The following DNAI4 variants were observed in gnomAD, a reference collection of about 807,000 sequenced individuals.
DNAI4 encodes the protein WD repeat domain 78.
DNAI4 carries 85 observed loss-of-function variants against 105.8 expected under a neutral mutation model. The observed-to-expected ratio is 0.80, with a 90% CI of 0.67 to 0.96. The LOEUF (loss-of-function observed/expected upper bound fraction) is 0.96. Ranked by LOEUF, DNAI4 falls within the 40% of genes least tolerant of loss-of-function variation. The probability of loss-of-function intolerance (pLI) is 0.00; values close to 1 mark genes in which losing one functional copy is unlikely to be tolerated. For missense variants in DNAI4, 1,014 were observed against 1,005.6 expected (o/e 1.01, Z -0.11); for synonymous variants, 352 against 331.5 (o/e 1.06, Z -0.67).
chr1:66,834,501 CA>C (rs1195618806), intron 11 of DNAI4, among the ~76,000 whole-genome samples: 1 of 152,032 alleles, frequency 6.6e-6, no homozygotes, highest in Non-Finnish European at 1.5e-5. Flanking sequence ...TTATTTTAGA[CA>C]CATGGAATAT....
At chr1:66,885,785 T>C (rs1569764187) in intron 4 of DNAI4, among the ~76,000 whole-genome samples, 1 of 152,318 alleles carries the variant, frequency 6.6e-6, no homozygotes, top group East Asian at 1.9e-4. Flanking sequence ...CGTCAAGATG[T>C]TCTCTTTGTC....
At chr1:66,841,408 G>C (rs944726893) in intron 8 of DNAI4, among the ~76,000 whole-genome samples, 1 of 152,230 alleles carries the variant, frequency 6.6e-6, no homozygotes, top group Non-Finnish European at 1.5e-5. Context: ...AGGTACAAGA[G>C]AGATGTCTTA....
At chr1:66,875,071 G>C (rs1646933097) in intron 4 of DNAI4, 134 bp from the exon 5 acceptor site, 1 of 839,092 alleles carries the variant, frequency 1.2e-6, no homozygotes, top group Non-Finnish European at 1.8e-6. Flanking sequence ...AGGCCAGGTT[G>C]TGAGATGTAG....
chr1:66,852,597 T>C (rs2100555087), intron 7 of DNAI4, among the ~76,000 whole-genome samples: 1 of 152,124 alleles, frequency 6.6e-6, no homozygotes, highest in Non-Finnish European at 1.5e-5. Flanking sequence ...TCCATACGTT[T>C]AGGCCAATGA....
rs185074137 is a variant in DNAI4 at position 66,878,967 on chromosome 1, C to T, written c.644-4030G>A. Among the ~76,000 whole-genome samples the T allele has an allele frequency of 7.9e-5, 12 of 152,250 alleles. No homozygotes were observed. In the East Asian group the frequency reaches 2.3e-3, roughly 29 times the overall value. On this transcript the variant is annotated intron_variant, in intron 4 of 16. Transcript: ENST00000371026. ...AGGGTTATATTATACATTTGTAAGG[C>T]AGTTTGATTCTTTTGTTACAGTCTG...
intron 10 of DNAI4, among the ~76,000 whole-genome samples, chr1:66,836,213 AGAGAGAG>A (rs1645997927): frequency 3.2e-5 from 3 of 93,822 alleles, no homozygotes; most frequent in African/African-American, 1.1e-4. Context: ...AGAAAGAGAG[AGAGAGAG>A]AGAGAGAGAG....
chr1:66,882,400 A>G (rs1647092317), intron 4 of DNAI4, among the ~76,000 whole-genome samples: 1 of 152,208 alleles, frequency 6.6e-6, no homozygotes, highest in Non-Finnish European at 1.5e-5. Flanking sequence ...AAGATCACAC[A>G]GATTTTTTCC....
At chr1:66,836,125 C>CAGAA (rs146147431) in intron 10 of DNAI4, among the ~76,000 whole-genome samples, 1 of 91,878 alleles carries the variant, frequency 1.1e-5, no homozygotes, top group African/African-American at 4.5e-5. Flanking sequence ...ACCCTCATCT[C>CAGAA]AGAAAGAAAG....
In DNAI4 at chr1:66,833,617, C is replaced by A. The variant is rs150353155; in HGVS notation, c.1981G>T (p.Ala661Ser). 4 of 1,613,218 alleles carry A rather than the reference C, an allele frequency of 2.5e-6. No homozygotes were observed. The South Asian group carries it at 3.3e-5, about 13-fold the overall frequency. ...KKDEALISRQ[A>S]PGMCFAFHPK... ...TGAAAAGCAAAACACATTCCAGGAGCCTGTCGAGATATCAAAGCTTCATCT... is the reference window on the plus strand; with the variant it reads ...TGAAAAGCAAAACACATTCCAGGAGACTGTCGAGATATCAAAGCTTCATCT... Residue 661 changes from alanine to serine, a missense_variant, in exon 13 of 17, where the codon GCT becomes TCT. Transcript: ENST00000371026.
chr1:66,882,528 T>C (rs1647095801), intron 4 of DNAI4, among the ~76,000 whole-genome samples: 1 of 152,166 alleles, frequency 6.6e-6, no homozygotes. Flanking sequence ...CTCTCTCTTT[T>C]TTTTTGCATA....
At chr1:66,836,274 A>AAGAAAGAGAGAGAG (rs1646014768) in intron 10 of DNAI4, among the ~76,000 whole-genome samples, 3 of 119,848 alleles carry the variant, frequency 2.5e-5, no homozygotes, top group African/African-American at 9.7e-5. Flanking sequence ...GAAAGAAAGA[A>AAGAAAGAGAGAGAG]AGAAAGAAAG....
At chr1:66,904,961 C>A in intron 2 of DNAI4, 1 of 400,262 alleles carries the variant, frequency 2.5e-6, no homozygotes, top group Non-Finnish European at 4.4e-6. Context: ...GCAAATAGTT[C>A]TTAAGGTCAT....
chr1:66,874,188 A>G (rs1441512978), intron 5 of DNAI4, among the ~76,000 whole-genome samples: 1 of 152,036 alleles, frequency 6.6e-6, no homozygotes, highest in East Asian at 1.9e-4. Flanking sequence ...TAAAGGGGTC[A>G]ATTCTTCATG....
At chr1:66,901,136 A>G (rs1018924399) in intron 2 of DNAI4, among the ~76,000 whole-genome samples, 1 of 152,108 alleles carries the variant, frequency 6.6e-6, no homozygotes, top group Non-Finnish European at 1.5e-5. Context: ...GATCTTTTTA[A>G]AGAACCAGCT....
chr1:66,892,999 G>GAGGAAAGAA (rs1647856722), intron 3 of DNAI4, among the ~76,000 whole-genome samples: 6 of 70,242 alleles, frequency 8.5e-5, no homozygotes, highest in African/African-American at 3.1e-4. Context: ...GAAAGAAAGA[G>GAGGAAAGAA]AGAAAGAGAG....
At chr1:66,873,839 T>C (rs1056573113) in intron 5 of DNAI4, among the ~76,000 whole-genome samples, 1 of 151,244 alleles carries the variant, frequency 6.6e-6, no homozygotes, top group African/African-American at 2.4e-5. Flanking sequence ...TCCCTTTCTT[T>C]TTTCCCTCTT....
chr1:66,825,305 G>A (rs1392992730), intron 15 of DNAI4, among the ~76,000 whole-genome samples: 6 of 148,416 alleles, frequency 4.0e-5, no homozygotes, highest in South Asian at 4.3e-4. Flanking sequence ...TCAGCCTCCC[G>A]AGTAGCTGGG....
chr1:66,845,190 C>CAAAAAAAAAAAAAAAAAAAAAAAA (rs59265844), intron 8 of DNAI4, among the ~76,000 whole-genome samples: 1 of 106,318 alleles, frequency 9.4e-6, no homozygotes. Flanking sequence ...AACTCCATCT[C>CAAAAAAAAAAAAAAAAAAAAAAAA]AAAAAAAAAA....
intron 4 of DNAI4, among the ~76,000 whole-genome samples, chr1:66,884,576 G>A (rs907316673): frequency 6.6e-5 from 10 of 152,178 alleles, no homozygotes; most frequent in African/African-American, 2.4e-4. Flanking sequence ...AATCCCACTT[G>A]ATCATGGTGG....
Sources: gnomAD v4.1 joint callset for allele counts (sites outside exome capture counted in the v4.1 genomes callset) on GRCh38, gnomAD v4.1.1 for gene constraint, MANE v1.5 for transcripts, NCBI Gene and HGNC (gene_info 2026-07-23, HGNC 2026-07-21) for gene names.